Variants in MYT1L observed in about 807,000 individuals in gnomAD.
MYT1L encodes myelin transcription factor 1 like.
In MYT1L, 12 loss-of-function variants were observed where a neutral mutation model predicts 126.7. That is an observed-to-expected ratio of 0.09 (90% confidence interval 0.06 to 0.15). The LOEUF is 0.15. Among genes scored for constraint, MYT1L ranks in the 10% least tolerant of loss-of-function variants. The probability of loss-of-function intolerance (pLI) is 1.00; values close to 1 mark genes in which losing one functional copy is unlikely to be tolerated. For missense variants in MYT1L, 979 were observed against 1,585.2 expected (o/e 0.62, Z 6.49); for synonymous variants, 541 against 604.2 (o/e 0.90, Z 1.53).
At chr2:1,841,768 C>T (rs1363409328) in intron 19 of MYT1L, 1 of 152,216 alleles carries the variant, frequency 6.6e-6, no homozygotes, top group Non-Finnish European at 1.5e-5. Context: ...TACTCTGTCT[C>T]TCACAGCAGC....
intron 3 of MYT1L, among the ~76,000 whole-genome samples, chr2:2,102,709 A>G (rs2078248308): frequency 6.6e-6 from 1 of 151,574 alleles, no homozygotes; most frequent in Non-Finnish European, 1.5e-5. Flanking sequence ...TTGATCCGTG[A>G]AGCACTGAGT....
rs113813398 is a variant in MYT1L, at chr2:1,829,566, C to T, written c.3080+9583G>A. On this transcript the variant is annotated intron_variant, in intron 21 of 24. Coordinates refer to ENST00000647738, the MANE Select transcript of MYT1L (RefSeq NM_001303052.2). ...CCTCCCATGCACCTGTGAACTGACC[C>T]TCCCATGCACCTGTGAATTGACCCT... is the stretch of plus-strand genomic sequence containing the variant. Among the ~76,000 whole-genome samples the T allele has an allele frequency of 1.3e-3, 122 of 96,624 alleles. 3 individuals carry two copies. The highest frequency in any genetic ancestry group is 7.0e-3 in the African/African-American group (90 of 12,804). 63.4% of individuals were successfully genotyped at this position (96,624 alleles called of 152,430 possible). A position where few individuals can be genotyped will look rare whatever the true frequency, so the allele number is the denominator to read the frequency against.
rs370989067 is a variant in MYT1L, at chr2:1,910,379, C to T, written c.1710-32G>A. 2.9e-5 allele frequency: 46 copies of T among 1,567,628 alleles called. No individual in the cohort carries two copies. Among genetic ancestry groups the T allele is most frequent in the South Asian group, 4.4e-5 (4 of 90,038 alleles). On this transcript the variant is annotated intron_variant, in intron 12 of 24. Coordinates refer to ENST00000647738, the MANE Select transcript of MYT1L (RefSeq NM_001303052.2). This position sits in a 1 kb window ranked among gnomAD's most constrained non-coding sequence, Gnocchi z 4.8. ...TCACAGAAAGCGGGTTGAATGGTCC[C>T]GCCTCAAACACCTTCACAGCACACT...
chr2:1,791,560 A>C lies in MYT1L; in HGVS notation c.*307T>G, dbSNP rs1315168365. The C allele has an allele frequency of 2.7e-6, 1 of 370,334 alleles. No individual in the cohort carries two copies. The highest frequency in any genetic ancestry group is 5.0e-6 in the Non-Finnish European group (1 of 201,076). The allele number at this position is 370,334 out of a possible 1,614,324, so 22.9% of individuals were successfully genotyped here. A position where few individuals can be genotyped will look rare whatever the true frequency, so the allele number is the denominator to read the frequency against. On this transcript the variant is annotated 3_prime_UTR_variant, in exon 25 of 25. Coordinates refer to ENST00000647738, the MANE Select transcript of MYT1L (RefSeq NM_001303052.2). This position sits in a 1 kb window ranked among gnomAD's most constrained non-coding sequence, Gnocchi z 6.0. ...ATTAAAAAGAATTTACACTCTATTT[A>C]TTTTGATCAGCTTACCTCTTCAGAA...
intron 4 of MYT1L, among the ~76,000 whole-genome samples, chr2:2,010,269 A>G (rs1306953291): frequency 6.6e-6 from 1 of 152,184 alleles, no homozygotes; most frequent in Non-Finnish European, 1.5e-5. Flanking sequence ...ACTTGTCCCT[A>G]AATGACCCTT....
chr2:2,138,921 A>G (rs73913211), intron 3 of MYT1L, among the ~76,000 whole-genome samples: 2,418 of 151,778 alleles, frequency 0.016, 64 homozygotes, highest in African/African-American at 0.052. Flanking sequence ...CAGTAAAGGC[A>G]CACTGTGCTA....
chr2:2,330,004 C>T (rs1369504119), intron 1 of MYT1L, among the ~76,000 whole-genome samples: 1 of 150,636 alleles, frequency 6.6e-6, no homozygotes. Flanking sequence ...TTTTATAAAA[C>T]TCTTTTCTTT....
chr2:1,925,457 C>G (rs572712695), intron 9 of MYT1L, among the ~76,000 whole-genome samples: 3 of 152,320 alleles, frequency 2.0e-5, no homozygotes, highest in Non-Finnish European at 2.9e-5. Flanking sequence ...TTTGTTCCCC[C>G]CTACATTCTC....
intron 10 of MYT1L, among the ~76,000 whole-genome samples, chr2:1,921,054 G>C (rs970507236): frequency 6.6e-5 from 10 of 152,192 alleles, no homozygotes; most frequent in African/African-American, 2.4e-4. Context: ...GAGAATACAC[G>C]TCTGTGCCAC....
intron 10 of MYT1L, among the ~76,000 whole-genome samples, chr2:1,919,719 A>G (rs1359346654): frequency 6.6e-6 from 1 of 151,282 alleles, no homozygotes; most frequent in Non-Finnish European, 1.5e-5. Context: ...GTTTTAATTT[A>G]ATTTAATTTA....
intron 2 of MYT1L, among the ~76,000 whole-genome samples, chr2:2,242,919 G>C (rs2094465689): frequency 6.6e-6 from 1 of 152,178 alleles, no homozygotes; most frequent in African/African-American, 2.4e-5. Context: ...AGGATGCAGG[G>C]TTCAGGAAGG....
rs1279887652 is a variant in MYT1L at position 2,005,166 on chromosome 2, ATGTTCTTTCCTGCATG to A, written c.-157-7835_-157-7820del. 9.8e-4 allele frequency among the ~76,000 whole-genome samples: 110 copies of A among 112,274 alleles called. 1 individual carries two copies. Among genetic ancestry groups the A allele is most frequent in the African/African-American group, 3.5e-3 (99 of 28,518 alleles). 73.7% of individuals were successfully genotyped at this position (112,274 alleles called of 152,430 possible). On this transcript the variant is annotated intron_variant, in intron 4 of 24. Transcript: ENST00000647738. ...TTCCTGCAGGCATTATTTCCTGCAT[ATGTTCTTTCCTGCATG>A]TGTTTTTTCCTGCAGGCATTCTTTC...
chr2:2,277,848 A>C (rs529891490), intron 2 of MYT1L, among the ~76,000 whole-genome samples: 137 of 152,322 alleles, frequency 9.0e-4, no homozygotes, highest in Non-Finnish European at 1.6e-3. Context: ...CTACCTAATC[A>C]ATTAACATAC....
At chr2:2,276,111 G>A (rs2095354694) in intron 2 of MYT1L, among the ~76,000 whole-genome samples, 1 of 152,140 alleles carries the variant, frequency 6.6e-6, no homozygotes, top group African/African-American at 2.4e-5. Flanking sequence ...GTGGTGTATG[G>A]GTAATAGGTC....
At chr2:1,998,305 T>C (rs1182939754) in intron 4 of MYT1L, among the ~76,000 whole-genome samples, 1 of 152,222 alleles carries the variant, frequency 6.6e-6, no homozygotes, top group African/African-American at 2.4e-5. Flanking sequence ...TGATGCAGCT[T>C]GATGCAGATA....
chr2:2,205,609 C>G (rs1359504346), intron 2 of MYT1L, among the ~76,000 whole-genome samples: 1 of 152,210 alleles, frequency 6.6e-6, no homozygotes, highest in Non-Finnish European at 1.5e-5. Context: ...GTCTCTCCCT[C>G]TCTCCACTGC....
intron 19 of MYT1L, among the ~76,000 whole-genome samples, chr2:1,850,545 G>A (rs2043134749): frequency 1.3e-5 from 2 of 152,054 alleles, no homozygotes; most frequent in African/African-American, 2.4e-5. Flanking sequence ...TTGTGTGGAC[G>A]ATATGTTCAC....
intron 2 of MYT1L, among the ~76,000 whole-genome samples, chr2:2,265,462 C>T (rs745607388): frequency 1.8e-4 from 28 of 151,988 alleles, no homozygotes; most frequent in Admixed American, 2.6e-4. Flanking sequence ...TTAATAAGTG[C>T]GAGTCCTTGA....
intron 4 of MYT1L, among the ~76,000 whole-genome samples, chr2:2,004,809 TGCAG>T (rs1374258600): frequency 6.7e-6 from 1 of 150,190 alleles, no homozygotes; most frequent in African/African-American, 2.5e-5. Context: ...TGTTCTTTCC[TGCAG>T]GCATTCTTTC....
Sources: gnomAD v4.1 joint callset for allele counts (sites outside exome capture counted in the v4.1 genomes callset) on GRCh38, gnomAD v4.1.1 for gene constraint, Gnocchi (gnomAD v3.1) non-coding constraint, MANE v1.5 for transcripts, NCBI Gene and HGNC (gene_info 2026-07-23, HGNC 2026-07-21) for gene names.